Variants in CYB5B observed in about 807,000 individuals in gnomAD.
CYB5B encodes the protein cytochrome b5 type B, also known as cytochrome b5 type B (outer mitochondrial membrane).
A neutral mutation model predicts 21.3 loss-of-function variants in CYB5B; 14 were observed. The ratio of observed to expected loss-of-function variants is 0.66; its 90% CI spans 0.43 to 1.03. The LOEUF is 1.03. CYB5B is among the 50% of genes least tolerant of loss of function. The pLI, the probability that CYB5B is intolerant of heterozygous loss-of-function variation, is 0.00. For missense variants in CYB5B, 166 were observed against 185.1 expected (o/e 0.90, Z 0.60); for synonymous variants, 69 against 68.4 (o/e 1.01, Z -0.04).
At chr16:69,457,866 C>A (rs1404165778) in intron 3 of CYB5B, among the ~76,000 whole-genome samples, 1 of 152,136 alleles carries the variant, frequency 6.6e-6, no homozygotes, top group Non-Finnish European at 1.5e-5. Flanking sequence ...ATTTCATGGA[C>A]TGCTCTAAAG....
At chr16:69,456,210 GCTCACTA>G (rs2014982892) in intron 3 of CYB5B, among the ~76,000 whole-genome samples, 3 of 152,058 alleles carry the variant, frequency 2.0e-5, no homozygotes, top group African/African-American at 7.2e-5. Context: ...CACAATCCTA[GCTCACTA>G]TAGCCTTGAA....
chr16:69,440,420 C>T (rs1393411645), intron 1 of CYB5B, among the ~76,000 whole-genome samples: 1 of 152,172 alleles, frequency 6.6e-6, no homozygotes, highest in Non-Finnish European at 1.5e-5. Context: ...AGTAAGTGAA[C>T]ACACTTGTAT....
At chr16:69,425,937 A>T (rs2014640678) in intron 1 of CYB5B, among the ~76,000 whole-genome samples, 1 of 152,194 alleles carries the variant, frequency 6.6e-6, no homozygotes. Flanking sequence ...TTGGGGCCTA[A>T]AAGAGAAATC....
chr16:69,466,076 C>T lies in CYB5B; in HGVS notation c.*3556C>T, dbSNP rs548314531. On this transcript the variant is annotated 3_prime_UTR_variant, in exon 5 of 5. Coordinates refer to ENST00000307892, the MANE Select transcript of CYB5B (RefSeq NM_030579.3). ...AACCATTACTTCAGTTATTTAACTTCCCTTTTTTTTTAACTTCACCTTTGA... is the reference window on the plus strand; with the variant it reads ...AACCATTACTTCAGTTATTTAACTTTCCTTTTTTTTTAACTTCACCTTTGA... The T allele has an allele frequency of 4.1e-5, 6 of 147,094 alleles. No homozygotes were observed. Among genetic ancestry groups the T allele is most frequent in the Admixed American group, 1.3e-4 (2 of 15,114 alleles). The allele number at this position is 147,094 out of a possible 1,614,324, so 9.1% of individuals were successfully genotyped here.
At position 69,462,723 on chromosome 16, in the gene CYB5B, A is replaced by G. The variant is rs369459264; in HGVS notation, c.*203A>G. On this transcript the variant is annotated 3_prime_UTR_variant, in exon 5 of 5. Coordinates refer to ENST00000307892, the MANE Select transcript of CYB5B (RefSeq NM_030579.3). The stretch of plus-strand genomic sequence containing the variant: ...AGCCTTACTCCCAAAGTACCTGCTC[A>G]CTGTTCCGTGTTGAACAATTGCCGG... 2.5e-4 allele frequency: 139 copies of G among 551,258 alleles called. No homozygotes were observed. The African/African-American group carries it at 2.6e-3, about 10-fold the overall frequency. The allele number at this position is 551,258 out of a possible 1,614,324, so 34.1% of individuals were successfully genotyped here. A position where few individuals can be genotyped will look rare whatever the true frequency, so the allele number is the denominator to read the frequency against.
rs1381749618 is a variant in CYB5B at position 69,459,118 on chromosome 16, A to G, written c.359A>G (p.Lys120Arg). The G allele has an allele frequency of 7.5e-6, 12 of 1,605,402 alleles. No homozygotes were observed. The highest frequency in any genetic ancestry group is 1.1e-5 in the South Asian group (1 of 88,472). ...SKDPSKNDTC[K>R]SCWAYWILPI... ...GACCCTTCAAAAAATGATACATGCA[A>G]AAGGTTAGTATCTCCTTAACAGCTT... Residue 120 changes from lysine to arginine, a missense_variant, in exon 4 of 5, where the codon AAA becomes AGA. Transcript: ENST00000307892.
At chr16:69,437,280 C>G (rs1567471443) in intron 1 of CYB5B, among the ~76,000 whole-genome samples, 1 of 151,980 alleles carries the variant, frequency 6.6e-6, no homozygotes, top group African/African-American at 2.4e-5. Flanking sequence ...ATTAAGTAGA[C>G]AAAGAGTCCA....
intron 4 of CYB5B, among the ~76,000 whole-genome samples, chr16:69,460,660 C>G (rs2015026239): frequency 6.6e-6 from 1 of 152,108 alleles, no homozygotes; most frequent in Non-Finnish European, 1.5e-5. Context: ...CCAGCAATTC[C>G]ATTTCTAATG....
In CYB5B at chr16:69,424,622, G is replaced by A. The variant is rs2014620429; in HGVS notation, c.-62G>A. On this transcript the variant is annotated 5_prime_UTR_variant, in exon 1 of 5. Transcript: ENST00000307892. Reference sequence around the variant, plus strand: ...GGCCCTGGTTACGGAAGCCGAGGAAGGCTGAGCGCGGGCTCTCAAGGAAAG... The same window carrying A: ...GGCCCTGGTTACGGAAGCCGAGGAAAGCTGAGCGCGGGCTCTCAAGGAAAG... 1 of 1,486,386 alleles carries A rather than the reference G, an allele frequency of 6.7e-7. No individual in the cohort carries two copies. Among genetic ancestry groups the A allele is most frequent in the Admixed American group, 2.4e-5 (1 of 42,316 alleles). The allele number at this position is 1,486,386 out of a possible 1,614,324, so 92.1% of individuals were successfully genotyped here.
intron 3 of CYB5B, among the ~76,000 whole-genome samples, chr16:69,452,158 T>C (rs2014940663): frequency 6.6e-6 from 1 of 151,206 alleles, no homozygotes; most frequent in Non-Finnish European, 1.5e-5. Context: ...CTCAAGCCTG[T>C]AATCCCAGCA....
At chr16:69,455,428 G>T (rs1203871683) in intron 3 of CYB5B, among the ~76,000 whole-genome samples, 1 of 147,540 alleles carries the variant, frequency 6.8e-6, no homozygotes, top group Non-Finnish European at 1.5e-5. Flanking sequence ...TTGGTGGGGG[G>T]ACGAAATCTC....
chr16:69,427,069 G>A (rs1420467636), intron 1 of CYB5B, among the ~76,000 whole-genome samples: 5 of 151,860 alleles, frequency 3.3e-5, no homozygotes, highest in South Asian at 2.1e-4. Context: ...GCGAAACCTC[G>A]TCTCTACTAA....
intron 1 of CYB5B, among the ~76,000 whole-genome samples, chr16:69,426,488 C>T (rs1019036706): frequency 2.6e-5 from 4 of 151,494 alleles, no homozygotes; most frequent in Admixed American, 6.6e-5. Context: ...GGGCGGATCA[C>T]GAGATCAAGA....
chr16:69,428,042 C>T (rs2014666975), intron 1 of CYB5B, among the ~76,000 whole-genome samples: 1 of 151,122 alleles, frequency 6.6e-6, no homozygotes, highest in Non-Finnish European at 1.5e-5. Flanking sequence ...CCAGTGTGGT[C>T]TGGAACTCCT....
At chr16:69,427,866 C>T (rs1298197925) in intron 1 of CYB5B, among the ~76,000 whole-genome samples, 47 of 151,860 alleles carry the variant, frequency 3.1e-4, no homozygotes. Flanking sequence ...CGTGGTGGCA[C>T]ACACCCGTAA....
At position 69,463,107 on chromosome 16, in the gene CYB5B, T is replaced by G. The variant is rs2015052211; in HGVS notation, c.*587T>G. The G allele has an allele frequency of 6.6e-6, 1 of 152,364 alleles. No individual in the cohort carries two copies. Among genetic ancestry groups the G allele is most frequent in the Admixed American group, 6.5e-5 (1 of 15,294 alleles). The allele number at this position is 152,364 out of a possible 1,614,324, so 9.4% of individuals were successfully genotyped here. On this transcript the variant is annotated 3_prime_UTR_variant, in exon 5 of 5. Transcript: ENST00000307892. ...TAAAAAAAAATCTGATTTAATTCTT[T>G]TATTTATCATAAGGGGTTTAATTCC...
chr16:69,443,292 T>C (rs1349546531), intron 1 of CYB5B: 1 of 153,896 alleles, frequency 6.5e-6, no homozygotes, highest in African/African-American at 2.4e-5. Flanking sequence ...ATGAGCTCTT[T>C]GACATCATCT....
At chr16:69,434,474 T>C (rs548877463) in intron 1 of CYB5B, among the ~76,000 whole-genome samples, 120 of 152,378 alleles carry the variant, frequency 7.9e-4, no homozygotes, top group South Asian at 1.7e-3. Context: ...AGTGTTTATA[T>C]AATTTTATAC....
At chr16:69,430,283 C>G (rs564673429) in intron 1 of CYB5B, among the ~76,000 whole-genome samples, 1 of 152,170 alleles carries the variant, frequency 6.6e-6, no homozygotes, top group Admixed American at 6.5e-5. Flanking sequence ...GTGGTGCCAT[C>G]TTGGCTCACT....
Sources: gnomAD v4.1 joint callset for allele counts (sites outside exome capture counted in the v4.1 genomes callset) on GRCh38, gnomAD v4.1.1 for gene constraint, MANE v1.5 for transcripts, NCBI Gene and HGNC (gene_info 2026-07-23, HGNC 2026-07-21) for gene names.